SLIT3: variants seen among roughly 807,000 people sequenced by gnomAD.
SLIT3 encodes slit homolog 3 protein.
A neutral mutation model predicts 184.0 loss-of-function variants in SLIT3; 68 were observed. The ratio of observed to expected loss-of-function variants is 0.37; its 90% CI spans 0.30 to 0.45. The LOEUF (loss-of-function observed/expected upper bound fraction) is 0.45, where lower values mean the gene tolerates loss of function less well. Among genes scored for constraint, SLIT3 ranks in the 20% least tolerant of loss-of-function variants. The probability of loss-of-function intolerance (pLI) is 1.00; values close to 1 mark genes in which losing one functional copy is unlikely to be tolerated. For missense variants in SLIT3, 1,707 were observed against 2,026.0 expected, an observed-to-expected ratio of 0.84 and a Z score of 3.02; for synonymous variants, 831 against 828.6, an observed-to-expected ratio of 1.00 and a Z score of -0.05.
At chr5:168,707,248 T>C (rs1291058287) in intron 26 of SLIT3, 1 of 152,310 alleles carries the variant, frequency 6.6e-6, no homozygotes, top group African/African-American at 2.4e-5. Flanking sequence ...TTCTTAGGTT[T>C]GCTGGGGGTG....
intron 4 of SLIT3, among the ~76,000 whole-genome samples, chr5:168,976,430 CT>C (rs1268898143): frequency 6.6e-6 from 1 of 152,146 alleles, no homozygotes; most frequent in Non-Finnish European, 1.5e-5. Context: ...GCTAGAGAGC[CT>C]TTTCAACCTC....
chr5:169,203,893 T>A (rs1000032867), intron 3 of SLIT3, among the ~76,000 whole-genome samples: 1 of 152,134 alleles, frequency 6.6e-6, no homozygotes, highest in African/African-American at 2.4e-5. Flanking sequence ...CAGATTTGGA[T>A]ATGTTAAATT....
At chr5:168,705,413 C>T (rs1345473694) in intron 26 of SLIT3, among the ~76,000 whole-genome samples, 1 of 152,120 alleles carries the variant, frequency 6.6e-6, no homozygotes, top group African/African-American at 2.4e-5. Context: ...AATGCTGGCT[C>T]TTATGTTACT....
chr5:168,744,320 T>C (rs952589726), intron 20 of SLIT3, among the ~76,000 whole-genome samples: 1 of 152,008 alleles, frequency 6.6e-6, no homozygotes, highest in Non-Finnish European at 1.5e-5. Flanking sequence ...AAAGAAGCTA[T>C]CTTCATAACA....
At chr5:169,013,412 G>C (rs1756235905) in intron 4 of SLIT3, 2 of 152,220 alleles carry the variant, frequency 1.3e-5, no homozygotes, top group South Asian at 4.1e-4. Flanking sequence ...CCCAGGATGG[G>C]AGACAGGAAA....
At chr5:169,161,188 A>C in intron 4 of SLIT3, among the ~76,000 whole-genome samples, 1 of 152,302 alleles carries the variant, frequency 6.6e-6, no homozygotes, top group East Asian at 1.9e-4. Context: ...TTGGCATCCC[A>C]GCGGTGCCCC....
At chr5:169,105,353 G>C (rs1047292576) in intron 4 of SLIT3, among the ~76,000 whole-genome samples, 1 of 152,150 alleles carries the variant, frequency 6.6e-6, no homozygotes, top group African/African-American at 2.4e-5. Flanking sequence ...AGATCGAGGA[G>C]GCTTTTCTTT....
chr5:169,029,687 A>G (rs1337460939), intron 4 of SLIT3, among the ~76,000 whole-genome samples: 1 of 152,212 alleles, frequency 6.6e-6, no homozygotes, highest in Non-Finnish European at 1.5e-5. Flanking sequence ...TCTTGGAAGG[A>G]AGTAGAAAAT....
chr5:168,799,091 C>T (rs531765920), intron 9 of SLIT3, among the ~76,000 whole-genome samples: 9 of 152,264 alleles, frequency 5.9e-5, no homozygotes, highest in Admixed American at 5.9e-4. Context: ...GCCCCTTTGT[C>T]ATGCAAGCAA....
At chr5:169,097,206 C>T (rs1459073112) in intron 4 of SLIT3, among the ~76,000 whole-genome samples, 1 of 152,192 alleles carries the variant, frequency 6.6e-6, no homozygotes, top group African/African-American at 2.4e-5. Flanking sequence ...GTGCACTGTT[C>T]CCTGCCTATA....
chr5:169,258,817 A>G (rs550370118), intron 1 of SLIT3, among the ~76,000 whole-genome samples: 5 of 152,248 alleles, frequency 3.3e-5, no homozygotes, highest in African/African-American at 9.6e-5. Context: ...TTCCTGCAAA[A>G]TTTTCTTCCA....
At chr5:169,113,642 C>G (rs929865607) in intron 4 of SLIT3, among the ~76,000 whole-genome samples, 7 of 151,156 alleles carry the variant, frequency 4.6e-5, no homozygotes, top group South Asian at 2.1e-4. Context: ...TATCATCATG[C>G]CTTTTTTTTC....
At chr5:168,724,394 C>CTT in intron 21 of SLIT3, 22 bp downstream of exon 21, 1 of 1,602,332 alleles carries the variant, frequency 6.2e-7, no homozygotes, top group East Asian at 2.2e-5. Context: ...ATAAACATCC[C>CTT]ACCCAATACT....
At chr5:169,220,894 C>A (rs1561747834) in intron 3 of SLIT3, among the ~76,000 whole-genome samples, 1 of 152,140 alleles carries the variant, frequency 6.6e-6, no homozygotes, top group African/African-American at 2.4e-5. Flanking sequence ...AATCCTACTA[C>A]CCCCCAACTT....
chr5:169,181,458 T>C (rs1046002378), intron 4 of SLIT3, among the ~76,000 whole-genome samples: 7 of 151,762 alleles, frequency 4.6e-5, no homozygotes, highest in African/African-American at 1.7e-4. Flanking sequence ...ATTATTAAAG[T>C]TGGCCGGGTG....
At chr5:168,672,716 C>T (rs554367096) in intron 33 of SLIT3, among the ~76,000 whole-genome samples, 31 of 152,308 alleles carry the variant, frequency 2.0e-4, no homozygotes, top group African/African-American at 7.5e-4. Context: ...TCAAGTGATC[C>T]TCCCACCTCA....
At chr5:168,721,812 A>G (rs1762950645) in intron 23 of SLIT3, among the ~76,000 whole-genome samples, 2 of 152,058 alleles carry the variant, frequency 1.3e-5, no homozygotes, top group Admixed American at 1.3e-4. Context: ...CCAGCTTGTG[A>G]TCTCTGGGGT....
At chr5:169,276,633 A>T (rs975821566) in intron 1 of SLIT3, among the ~76,000 whole-genome samples, 7 of 152,224 alleles carry the variant, frequency 4.6e-5, no homozygotes, top group African/African-American at 1.7e-4. Flanking sequence ...ATATTGCTGC[A>T]TGTTCATATT....
chr5:169,005,454 G>GTTA (rs1755885076), intron 4 of SLIT3, among the ~76,000 whole-genome samples: 1 of 152,194 alleles, frequency 6.6e-6, no homozygotes, highest in African/African-American at 2.4e-5. Flanking sequence ...AAGGTGAACG[G>GTTA]TAAACATTAT....
Sources: allele counts gnomAD v4.1 joint callset (sites outside exome capture counted in the v4.1 genomes callset), GRCh38; gene constraint gnomAD v4.1.1; transcripts MANE v1.5; gene names NCBI Gene and HGNC (gene_info 2026-07-23, HGNC 2026-07-21).